The following CLCA1 variants were observed in gnomAD, a reference collection of about 807,000 sequenced individuals.
CLCA1 encodes the protein chloride channel accessory 1, also known as calcium-activated chloride channel regulator 1.
In CLCA1, 59 loss-of-function variants were observed where a neutral mutation model predicts 85.6. The ratio of observed to expected loss-of-function variants is 0.69; its 90% CI spans 0.56 to 0.86. The LOEUF (loss-of-function observed/expected upper bound fraction) is 0.86. Among genes scored for constraint, CLCA1 ranks in the 40% least tolerant of loss-of-function variants. CLCA1 has a pLI of 0.00. For missense variants in CLCA1, 1,022 were observed against 1,101.4 expected, an observed-to-expected ratio of 0.93 and a Z score of 1.02; for synonymous variants, 396 against 398.3, an observed-to-expected ratio of 0.99 and a Z score of 0.07.
chr1:86,486,634 G>A lies in CLCA1; in HGVS notation c.1063G>A (p.Val355Ile). The A allele has an allele frequency of 2.5e-6, 4 of 1,614,180 alleles. No homozygotes were observed. Among genetic ancestry groups the A allele is most frequent in the Non-Finnish European group, 3.4e-6 (4 of 1,180,034 alleles). The change falls in exon 7 of 14, where the codon GTA (valine) becomes ATA (isoleucine). Residue 355 changes from valine to isoleucine, a missense_variant. Transcript: ENST00000394711. ...GGTGACATTTGACAGTGCTGCCCATGTACAAAATGAACTCATACAGATAAA... is the reference window on the plus strand; with the variant it reads ...GGTGACATTTGACAGTGCTGCCCATATACAAAATGAACTCATACAGATAAA... ...GMVTFDSAAH[V>I]QNELIQINSG... is the part of the protein sequence containing the mutation.
intron 3 of CLCA1, 29 bp downstream of exon 3, chr1:86,473,905 A>G (rs1487054891): frequency 6.5e-7 from 1 of 1,543,168 alleles, no homozygotes; most frequent in Admixed American, 1.9e-5. Flanking sequence ...TACTTCTCAT[A>G]CAATTTAACT....
Position 86,476,445 on chromosome 1 carries a change from CAGGT to C in CLCA1, c.453_456del (p.Arg152HisfsTer33). Reference sequence around the variant, plus strand: ...ATCAGTTTTTTAAAATACTTTCTCACAGGTAGGGCATTTGTCCATGAGTGGGCTC... The same window carrying C: ...ATCAGTTTTTTAAAATACTTTCTCACAGGGCATTTGTCCATGAGTGGGCTC... On this transcript the variant is annotated splice_acceptor_variant and coding_sequence_variant, in exon 4 of 14. Coordinates refer to ENST00000394711, the MANE Select transcript of CLCA1 (RefSeq NM_001285.4). LOFTEE classifies it high-confidence loss of function. 6 of 1,501,586 alleles carry C rather than the reference CAGGT, an allele frequency of 4.0e-6. No individual in the cohort carries two copies. The highest frequency in any genetic ancestry group is 5.6e-6 in the Non-Finnish European group (6 of 1,080,848). 93.0% of individuals were successfully genotyped at this position (1,501,586 alleles called of 1,614,324 possible).
At chr1:86,495,748 G>A in intron 12 of CLCA1, 73 bp downstream of exon 12, 2 of 1,347,568 alleles carry the variant, frequency 1.5e-6, no homozygotes, top group Admixed American at 2.5e-5. Flanking sequence ...TAAGCCTGTG[G>A]GGCAGAATGG....
rs189267538 is a variant in CLCA1 at position 86,482,350 on chromosome 1, G to T, written c.703G>T (p.Ala235Ser). 6 of 1,614,068 alleles carry T rather than the reference G, an allele frequency of 3.7e-6. No homozygotes were observed. In the Admixed American group the frequency reaches 5.0e-5, roughly 13 times the overall value. Residue 235 changes from alanine to serine, a missense_variant, in exon 5 of 14, where the codon GCT becomes TCT. By Grantham distance (99) the Ala-to-Ser change is moderately conservative (BLOSUM62 1). Coordinates refer to ENST00000394711, the MANE Select transcript of CLCA1 (RefSeq NM_001285.4). The part of the protein sequence containing the change: ...FVLQSRQTEK[A>S]SIMFAQHVDS... Reference sequence around the variant, plus strand: ...TCTCCAATCCCGCCAGACGGAGAAGGCTTCTATAATGTTTGCACAACATGT... The same window carrying T: ...TCTCCAATCCCGCCAGACGGAGAAGTCTTCTATAATGTTTGCACAACATGT...
Position 86,485,423 on chromosome 1 carries a change from A to G in CLCA1, c.816A>G (p.Thr272=). The change falls in exon 6 of 14, where the codon ACA becomes ACG. Residue 272 remains threonine (T), a synonymous_variant. Transcript: ENST00000394711. ...KQNQKCNLRS[T]WEVIRDSEDF... Reference sequence around the variant, plus strand: ...ATCAAAAATGCAATCTCCGAAGCACATGGGAAGTGATCCGTGATTCTGAGG... The same window carrying G: ...ATCAAAAATGCAATCTCCGAAGCACGTGGGAAGTGATCCGTGATTCTGAGG... The G allele has an allele frequency of 6.2e-7, 1 of 1,614,220 alleles. No homozygotes were observed. Among genetic ancestry groups the G allele is most frequent in the Non-Finnish European group, 8.5e-7 (1 of 1,180,018 alleles).
intron 11 of CLCA1, among the ~76,000 whole-genome samples, chr1:86,495,279 A>C (rs1648247553): frequency 6.6e-6 from 1 of 152,174 alleles, no homozygotes; most frequent in Admixed American, 6.5e-5. Flanking sequence ...ACCATCTTAG[A>C]TTTCAAAAAG....
At chr1:86,495,785 C>A in intron 12 of CLCA1, 110 bp downstream of exon 12, 1 of 1,042,396 alleles carries the variant, frequency 9.6e-7, no homozygotes, top group Non-Finnish European at 1.3e-6. Context: ...GGTTTCTCAA[C>A]CTTGGCATTA....
In CLCA1 at chr1:86,472,424, C is replaced by T. The variant is rs1008225012; in HGVS notation, c.163-993C>T. On this transcript the variant is annotated intron_variant, in intron 1 of 13. Coordinates refer to ENST00000394711, the MANE Select transcript of CLCA1 (RefSeq NM_001285.4). ...CCTTCTGAGGCCCCTGTATTGGCTC[C>T]TCCTCTTTCTACCTCTGAATGCTGG... is the stretch of plus-strand genomic sequence containing the variant. 3.9e-5 allele frequency among the ~76,000 whole-genome samples: 6 copies of T among 152,174 alleles called. 1 individual carries two copies. In the Middle Eastern group the frequency reaches 9.5e-3, roughly 241 times the overall value.
At chr1:86,494,559 C>T (rs1648225284) in intron 11 of CLCA1, 111 bp downstream of exon 11, 2 of 1,120,200 alleles carry the variant, frequency 1.8e-6, no homozygotes, top group Admixed American at 4.1e-5. Context: ...GGCAGCACAG[C>T]ACTGAGGTCT....
At position 86,498,551 on chromosome 1, in the gene CLCA1, TTGAG is replaced by T; in HGVS notation, c.2114-19_2114-16del. ...ATTTAGTGATGTTGCTTACCATATT[TTGAG>T]TATTTTTTTAATGCAGATGAAATAC... On this transcript the variant is annotated splice_polypyrimidine_tract_variant and intron_variant, in intron 12 of 13. Transcript: ENST00000394711. 1 of 1,606,818 alleles carries T rather than the reference TTGAG, an allele frequency of 6.2e-7. No homozygotes were observed.
chr1:86,484,664 G>A (rs1010110679), intron 5 of CLCA1, among the ~76,000 whole-genome samples: 3 of 152,098 alleles, frequency 2.0e-5, no homozygotes, highest in Admixed American at 6.5e-5. Flanking sequence ...TGATGGCTTG[G>A]GTGATGGATA....
At position 86,499,729 on chromosome 1, in the gene CLCA1, A is replaced by G; in HGVS notation, c.2429A>G (p.Asn810Ser). 8 of 1,607,008 alleles carry G rather than the reference A, an allele frequency of 5.0e-6. No individual in the cohort carries two copies. Among genetic ancestry groups the G allele is most frequent in the Non-Finnish European group, 6.8e-6 (8 of 1,173,604 alleles). Residue 810 changes from asparagine to serine, a missense_variant, in exon 14 of 14, where the codon AAT becomes AGT. Coordinates refer to ENST00000394711, the MANE Select transcript of CLCA1 (RefSeq NM_001285.4). ...RDKFNESLQV[N>S]TTALIPKEAN... is the part of the protein sequence containing the mutation. ...AAGTTCAATGAATCTCTTCAAGTGA[A>G]TACTACTGCTCTCATCCCAAAGGAA...
chr1:86,470,000 A>G (rs538351453), intron 1 of CLCA1, among the ~76,000 whole-genome samples: 2 of 152,310 alleles, frequency 1.3e-5, no homozygotes, highest in East Asian at 1.9e-4. Flanking sequence ...GTTCATCTAA[A>G]TTTATCTCAG....
intron 8 of CLCA1, among the ~76,000 whole-genome samples, chr1:86,490,310 G>A (rs1648099838): frequency 6.6e-6 from 1 of 152,186 alleles, no homozygotes; most frequent in Admixed American, 6.5e-5. Flanking sequence ...TGTGCGTGGG[G>A]CATCAACAGC....
chr1:86,493,421 G>A lies in CLCA1; in HGVS notation c.1502G>A (p.Trp501Ter). ...SKGLTLQNSQ[W>*]MNGTVIVDST... ...GGATTAACCCTCCAGAACAGCCAGT[G>A]GATGAATGGCACAGTGATCGTGGAC... Residue 501 changes from tryptophan (W) to a stop codon, truncating the protein, a stop_gained, in exon 10 of 14, where the codon TGG (tryptophan) becomes TAG (stop). Coordinates refer to ENST00000394711, the MANE Select transcript of CLCA1 (RefSeq NM_001285.4). LOFTEE classifies it high-confidence loss of function. 1 of 1,614,066 alleles carries A rather than the reference G, an allele frequency of 6.2e-7. No homozygotes were observed. The highest frequency in any genetic ancestry group is 2.2e-5 in the East Asian group (1 of 44,882).
At chr1:86,484,549 G>A (rs934816708) in intron 5 of CLCA1, among the ~76,000 whole-genome samples, 3 of 152,138 alleles carry the variant, frequency 2.0e-5, no homozygotes, top group Admixed American at 1.3e-4. Flanking sequence ...TTAAAGCAGA[G>A]GAGTAAGAGG....
rs751061300 is a variant in CLCA1 at position 86,469,033 on chromosome 1, G to A, written c.62G>A (p.Ser21Asn). The stretch of plus-strand genomic sequence containing the variant: ...CTTCACCTTCTAGAAGGGGCCCTGA[G>A]TAATTCACTCATTCAGCTGAACAAC... ...LILHLLEGAL[S>N]NSLIQLNNNG... The change falls in exon 1 of 14, where the codon AGT becomes AAT. Residue 21 changes from serine to asparagine, a missense_variant. Transcript: ENST00000394711. 8.1e-6 allele frequency: 13 copies of A among 1,613,348 alleles called. No homozygotes were observed. The highest frequency in any genetic ancestry group is 1.1e-5 in the Non-Finnish European group (13 of 1,179,652).
chr1:86,481,740 T>A (rs1037795473), intron 4 of CLCA1, among the ~76,000 whole-genome samples: 1 of 152,108 alleles, frequency 6.6e-6, no homozygotes, highest in Admixed American at 6.6e-5. Flanking sequence ...ACAAAAGTCA[T>A]AAATACCTAA....
Position 86,489,099 on chromosome 1 carries a change from G to C in CLCA1, c.1286G>C (p.Gly429Ala). 6.2e-7 allele frequency: 1 copy of C among 1,614,102 alleles called. No individual in the cohort carries two copies. Among genetic ancestry groups the C allele is most frequent in the Non-Finnish European group, 8.5e-7 (1 of 1,180,018 alleles). ...TGCTTTAACGAGGTCAAACAAAGTG[G>C]TGCCATCATCCACACAGTCGCTTTG... is the stretch of plus-strand genomic sequence containing the variant. The part of the protein sequence containing the change: ...SGCFNEVKQS[G>A]AIIHTVALGP... Residue 429 changes from glycine (G) to alanine (A), a missense_variant, in exon 8 of 14, where the codon GGT becomes GCT. Coordinates refer to ENST00000394711, the MANE Select transcript of CLCA1 (RefSeq NM_001285.4).
Sources: gnomAD v4.1 joint callset for allele counts (sites outside exome capture counted in the v4.1 genomes callset) on GRCh38, gnomAD v4.1.1 for gene constraint, MANE v1.5 for transcripts, NCBI Gene and HGNC (gene_info 2026-07-23, HGNC 2026-07-21) for gene names.